The following PPP2R2B variants were observed in gnomAD, a reference collection of about 807,000 sequenced individuals.
PPP2R2B encodes the protein serine/threonine-protein phosphatase 2A 55 kDa regulatory subunit B beta isoform.
Under a neutral mutation model 46.0 loss-of-function variants are expected in PPP2R2B, and 5 were observed. The observed-to-expected ratio is 0.11, with a 90% CI of 0.06 to 0.23. The LOEUF is 0.23. Among genes scored for constraint, PPP2R2B ranks in the 10% least tolerant of loss-of-function variants. PPP2R2B has a pLI of 1.00. For missense variants in PPP2R2B, 367 were observed against 575.0 expected (o/e 0.64, Z 3.70); for synonymous variants, 215 against 206.7 (o/e 1.04, Z -0.34).
Position 146,586,351 on chromosome 5 carries a change from G to A in PPP2R2B, c.*3596C>T, listed in dbSNP as rs946760054. The A allele has an allele frequency of 1.3e-5, 2 of 152,182 alleles. No individual in the cohort carries two copies. The highest frequency in any genetic ancestry group is 4.8e-5 in the African/African-American group (2 of 41,448). The allele number at this position is 152,182 out of a possible 1,614,324, so 9.4% of individuals were successfully genotyped here. Reference sequence around the variant, plus strand: ...GTCATCCCTAAATCCTCATTATGAGGCCTACCAGGGCTTTCTTGAGCCCTG... The same window carrying A: ...GTCATCCCTAAATCCTCATTATGAGACCTACCAGGGCTTTCTTGAGCCCTG... On this transcript the variant is annotated 3_prime_UTR_variant, in exon 10 of 10. Coordinates refer to ENST00000394411, the MANE Select transcript of PPP2R2B (RefSeq NM_181675.4).
At chr5:146,727,326 A>T (rs1751940001) in intron 2 of PPP2R2B, among the ~76,000 whole-genome samples, 1 of 151,786 alleles carries the variant, frequency 6.6e-6, no homozygotes, top group Non-Finnish European at 1.5e-5. Context: ...TTATTTAAAA[A>T]TTTTATTTTT....
intron 5 of PPP2R2B, among the ~76,000 whole-genome samples, chr5:146,659,117 C>G (rs566362575): frequency 1.6e-4 from 25 of 151,996 alleles, no homozygotes; most frequent in African/African-American, 6.0e-4. Context: ...TAATATGAAG[C>G]TTTTGACTTA....
Position 147,069,300 on chromosome 5 carries a change from G to A in PPP2R2B, c.50+11759C>T, listed in dbSNP as rs920366650. 5.9e-5 allele frequency among the ~76,000 whole-genome samples: 9 copies of A among 152,278 alleles called. No individual in the cohort carries two copies. The East Asian group carries it at 1.5e-3, about 26-fold the overall frequency. On this transcript the variant is annotated intron_variant, in intron 2 of 10. Coordinates refer to the PPP2R2B transcript ENST00000394413. ...AAAACAAAAAGAGTTGAGTTTAGAG[G>A]TGAGGTTTAATTTTCACAATACAAG...
intron 7 of PPP2R2B, among the ~76,000 whole-genome samples, chr5:146,618,283 G>T (rs574395471): frequency 9.9e-5 from 15 of 152,256 alleles, no homozygotes; most frequent in Admixed American, 5.9e-4. Context: ...AGATGGAAAG[G>T]TGCCATGAGC....
At chr5:147,018,288 C>A (rs956870545) in intron 1 of PPP2R2B, among the ~76,000 whole-genome samples, 1 of 152,050 alleles carries the variant, frequency 6.6e-6, no homozygotes, top group African/African-American at 2.4e-5. Flanking sequence ...CCACTGGAAA[C>A]AACTTTCTAT....
chr5:146,642,765 A>T lies in PPP2R2B; in HGVS notation c.626-4350T>A, dbSNP rs146161158. The stretch of plus-strand genomic sequence containing the variant: ...AATAAAGTTGTATTTCAGGCTGGAA[A>T]AAATCTTAGGGCCACGCATGGTGGC... On this transcript the variant is annotated intron_variant, in intron 6 of 9. Coordinates refer to ENST00000394411, the MANE Select transcript of PPP2R2B (RefSeq NM_181675.4). 2.6e-5 allele frequency among the ~76,000 whole-genome samples: 4 copies of T among 152,328 alleles called. No individual in the cohort carries two copies. The East Asian group carries it at 7.7e-4, about 29-fold the overall frequency.
At chr5:146,592,870 C>A in intron 9 of PPP2R2B, 101 bp downstream of exon 9, 1 of 1,178,756 alleles carries the variant, frequency 8.5e-7, no homozygotes, top group African/African-American at 1.5e-5. Flanking sequence ...TTTTGGGGCC[C>A]AATTTTGACC....
intron 1 of PPP2R2B, among the ~76,000 whole-genome samples, chr5:147,009,864 T>TACACACACACACAC (rs201299020): frequency 5.9e-5 from 8 of 136,668 alleles, no homozygotes; most frequent in African/African-American, 1.8e-4. Flanking sequence ...CACACACACA[T>TACACACACACACAC]ACACACACAC....
rs781377067 is a variant in PPP2R2B, at chr5:146,593,030, G to A, written c.993C>T (p.Ser331=). 34 of 1,613,848 alleles carry A rather than the reference G, an allele frequency of 2.1e-5. No homozygotes were observed. In the East Asian group the frequency reaches 7.1e-4, roughly 34 times the overall value. ...VHDYLRSKLC[S]LYENDCIFDK... ...CAAAAATGCAGTCATTTTCATAGAG[G>A]GAACACAGCTTGCTGCGGAGGTAGT... Residue 331 remains serine, a synonymous_variant, in exon 9 of 10, where the codon TCC becomes TCT. Coordinates refer to ENST00000394411, the MANE Select transcript of PPP2R2B (RefSeq NM_181675.4).
At chr5:146,629,451 C>A (rs1365704242) in intron 7 of PPP2R2B, among the ~76,000 whole-genome samples, 1 of 152,152 alleles carries the variant, frequency 6.6e-6, no homozygotes, top group African/African-American at 2.4e-5. Flanking sequence ...CTTCACTGTG[C>A]CCACCCTGGT....
chr5:146,977,252 C>T (rs895514386), intron 1 of PPP2R2B, among the ~76,000 whole-genome samples: 68 of 151,914 alleles, frequency 4.5e-4, no homozygotes, highest in Non-Finnish European at 7.5e-4. Context: ...TTTAGAATTG[C>T]GATCTTGTTC....
intron 8 of PPP2R2B, among the ~76,000 whole-genome samples, chr5:146,595,344 C>T (rs1181769988): frequency 6.6e-6 from 1 of 152,174 alleles, no homozygotes; most frequent in Non-Finnish European, 1.5e-5. Flanking sequence ...TTTTTAAGGT[C>T]TAGTTCCATA....
chr5:146,998,781 A>T (rs1754031461), intron 1 of PPP2R2B, among the ~76,000 whole-genome samples: 2 of 152,166 alleles, frequency 1.3e-5, no homozygotes, highest in Admixed American at 1.3e-4. Context: ...TTGCCCCTTC[A>T]GCCTTCTCTT....
chr5:146,972,987 G>T (rs940384136), intron 1 of PPP2R2B, among the ~76,000 whole-genome samples: 2 of 151,976 alleles, frequency 1.3e-5, no homozygotes, highest in Admixed American at 6.5e-5. Context: ...AAAATTTTAT[G>T]TAATAAAATG....
chr5:147,051,909 CCCA>C (rs1306469274), intron 1 of PPP2R2B, among the ~76,000 whole-genome samples: 2 of 151,586 alleles, frequency 1.3e-5, no homozygotes, highest in African/African-American at 4.8e-5. Context: ...ACTACAGGGG[CCCA>C]CCACCACACC....
At chr5:146,967,633 G>A (rs1050566647) in intron 1 of PPP2R2B, among the ~76,000 whole-genome samples, 30 of 152,088 alleles carry the variant, frequency 2.0e-4, no homozygotes, top group African/African-American at 7.2e-4. Context: ...TCAGGTAAGG[G>A]AAGGCCCTCA....
chr5:146,886,340 A>AAAACAAATAAATAAAT (rs141794206), intron 1 of PPP2R2B, among the ~76,000 whole-genome samples: 1 of 145,222 alleles, frequency 6.9e-6, no homozygotes, highest in African/African-American at 2.6e-5. Flanking sequence ...CTCCGTCTCA[A>AAAACAAATAAATAAAT]AAATAAATAA....
rs146937501 is a variant in PPP2R2B, at chr5:146,624,172, G to C, written c.790+14079C>G. 4.1e-3 allele frequency among the ~76,000 whole-genome samples: 618 copies of C among 152,254 alleles called. 10 individuals carry two copies. The highest frequency in any genetic ancestry group is 0.014 in the African/African-American group (562 of 41,542). ...TGCAAACTTACTGGGTTTTCAGGAG[G>C]ATCAATGAAGATAAATCAATGAGAA... is the stretch of plus-strand genomic sequence containing the variant. On this transcript the variant is annotated intron_variant, in intron 7 of 9. Coordinates refer to ENST00000394411, the MANE Select transcript of PPP2R2B (RefSeq NM_181675.4).
chr5:146,613,871 A>T lies in PPP2R2B; in HGVS notation c.791-13411T>A, dbSNP rs1184141745. On this transcript the variant is annotated intron_variant, in intron 7 of 9. Transcript: ENST00000394411. ...AAAGAGGACACAAACAAATGGAAGA[A>T]CATTCCATGCTCATGGGTAGGAAGA... Among the ~76,000 whole-genome samples the T allele has an allele frequency of 1.4e-5, 2 of 140,122 alleles. 1 individual carries two copies. Among genetic ancestry groups the T allele is most frequent in the African/African-American group, 5.9e-5 (2 of 33,680 alleles). 91.9% of individuals were successfully genotyped at this position (140,122 alleles called of 152,430 possible).
Sources: gnomAD v4.1 joint callset for allele counts (sites outside exome capture counted in the v4.1 genomes callset) on GRCh38, gnomAD v4.1.1 for gene constraint, MANE v1.5 for transcripts, NCBI Gene and HGNC (gene_info 2026-07-23, HGNC 2026-07-21) for gene names.